GLYATL3: variants seen among roughly 807,000 people sequenced by gnomAD.
GLYATL3 encodes the protein glycine N-acyltransferase-like protein 3.
In GLYATL3, 31 loss-of-function variants were observed where a neutral mutation model predicts 28.5. The ratio of observed to expected loss-of-function variants is 1.09; its 90% CI spans 0.82 to 1.47. The LOEUF is 1.47. Ranked by LOEUF, GLYATL3 falls within the 40% of genes most tolerant of loss-of-function variation. The pLI is 0.00. For missense variants in GLYATL3, 369 were observed against 351.5 expected, an observed-to-expected ratio of 1.05 and a Z score of -0.40; for synonymous variants, 141 against 140.2, an observed-to-expected ratio of 1.01 and a Z score of -0.04.
chr6:49,509,389 G>T (rs1194245319), intron 1 of GLYATL3, among the ~76,000 whole-genome samples: 2 of 152,168 alleles, frequency 1.3e-5, no homozygotes, highest in East Asian at 3.8e-4. Context: ...TGATTCAAGA[G>T]CATTGTAACT....
chr6:49,525,361 T>C (rs1276232236), intron 5 of GLYATL3, among the ~76,000 whole-genome samples: 1 of 151,716 alleles, frequency 6.6e-6, no homozygotes, highest in East Asian at 1.9e-4. Context: ...AGTGCAGCAG[T>C]TGGAGGCCAG....
intron 2 of GLYATL3, among the ~76,000 whole-genome samples, chr6:49,512,577 ATGGACTAGGTGGCAC>A (rs1368437988): frequency 6.6e-6 from 1 of 152,208 alleles, no homozygotes; most frequent in Non-Finnish European, 1.5e-5. Context: ...GCAGAAGGGT[ATGGACTAGGTGGCAC>A]TGCAGTTAAG....
chr6:49,513,735 T>C (rs879445902), intron 2 of GLYATL3, among the ~76,000 whole-genome samples: 2 of 152,256 alleles, frequency 1.3e-5, no homozygotes, highest in South Asian at 2.1e-4. Context: ...TGAGGATATG[T>C]GAATGAGGTC....
In GLYATL3 at chr6:49,527,891, A is replaced by T. The variant is rs957539811; in HGVS notation, c.*977A>T. Among the ~76,000 whole-genome samples, 1 of 152,120 alleles carries T rather than the reference A, an allele frequency of 6.6e-6. No homozygotes were observed. Among genetic ancestry groups the T allele is most frequent in the Non-Finnish European group, 1.5e-5 (1 of 68,034 alleles). ...TAAGATAATAAATTTTAACCCTTTG[A>T]TTACATATGAAAAATTTGAGGACCA... On this transcript the variant is annotated 3_prime_UTR_variant, in exon 6 of 6. Transcript: ENST00000371197.
chr6:49,506,013 T>C (rs1050334992), intron 1 of GLYATL3, among the ~76,000 whole-genome samples: 25 of 152,220 alleles, frequency 1.6e-4, no homozygotes, highest in African/African-American at 5.8e-4. Flanking sequence ...TATTTCCTGA[T>C]AAAGTAGCAA....
chr6:49,522,539 G>A (rs996880579), intron 5 of GLYATL3, among the ~76,000 whole-genome samples: 1 of 152,108 alleles, frequency 6.6e-6, no homozygotes, highest in African/African-American at 2.4e-5. Flanking sequence ...GGGGTACAAT[G>A]TGATGTCTTG....
chr6:49,510,756 T>C (rs918649643), intron 1 of GLYATL3, among the ~76,000 whole-genome samples: 1 of 152,156 alleles, frequency 6.6e-6, no homozygotes, highest in Admixed American at 6.5e-5. Flanking sequence ...TTCAAAAGCC[T>C]CTTAATGTTC....
chr6:49,526,736 T>C lies in GLYATL3; in HGVS notation c.689T>C (p.Val230Ala), dbSNP rs370885153. 150 of 1,551,592 alleles carry C rather than the reference T, an allele frequency of 9.7e-5. No homozygotes were observed. Among genetic ancestry groups the C allele is most frequent in the Non-Finnish European group, 1.3e-4 (145 of 1,146,994 alleles). The change falls in exon 6 of 6, where the codon GTG becomes GCG. Residue 230 changes from valine to alanine, a missense_variant. Physicochemically the swap from Val to Ala is moderately conservative, Grantham distance 64 (BLOSUM62 0). Coordinates refer to ENST00000371197, the MANE Select transcript of GLYATL3 (RefSeq NM_001010904.2). ...CGCAGGAAAGGTTACAGCCGGCTGG[T>C]GGCCCTCACGCTGGCCAGGAAGTTG... is the stretch of plus-strand genomic sequence containing the variant. The part of the protein sequence containing the change: ...EHRRKGYSRL[V>A]ALTLARKLQS...
chr6:49,509,683 C>CTA (rs1581867067), intron 1 of GLYATL3, among the ~76,000 whole-genome samples: 2 of 152,334 alleles, frequency 1.3e-5, no homozygotes, highest in East Asian at 3.9e-4. Context: ...TTTTGCTGCT[C>CTA]TATGCATGAC....
intron 5 of GLYATL3, among the ~76,000 whole-genome samples, chr6:49,524,780 G>T (rs930034331): frequency 6.6e-6 from 1 of 151,676 alleles, no homozygotes; most frequent in Non-Finnish European, 1.5e-5. Context: ...AGGAATTCGA[G>T]ACCAGCCTGG....
Position 49,517,411 on chromosome 6 carries a change from A to T in GLYATL3, c.187-19A>T. 2 of 1,498,596 alleles carry T rather than the reference A, an allele frequency of 1.3e-6. No homozygotes were observed. Among genetic ancestry groups the T allele is most frequent in the Non-Finnish European group, 1.8e-6 (2 of 1,121,618 alleles). 92.8% of individuals were successfully genotyped at this position (1,498,596 alleles called of 1,614,324 possible). A position where few individuals can be genotyped will look rare whatever the true frequency, so the allele number is the denominator to read the frequency against. On this transcript the variant is annotated intron_variant, in intron 3 of 5. Coordinates refer to ENST00000371197, the MANE Select transcript of GLYATL3 (RefSeq NM_001010904.2). ...CAGATAATACGTTTATGTTTTTGTG[A>T]TTATGTCTTCTGTCCTAGGCTGAGA...
At chr6:49,517,312 T>G in intron 3 of GLYATL3, 118 bp from the exon 4 acceptor site, 1 of 765,430 alleles carries the variant, frequency 1.3e-6, no homozygotes, top group Non-Finnish European at 1.9e-6. Context: ...GGGTCTAATT[T>G]TGTTAGCCAC....
intron 1 of GLYATL3, among the ~76,000 whole-genome samples, chr6:49,511,382 T>A (rs927350789): frequency 6.6e-6 from 1 of 152,192 alleles, no homozygotes; most frequent in African/African-American, 2.4e-5. Flanking sequence ...ATCTTCAATC[T>A]AGGTATTTCT....
intron 1 of GLYATL3, among the ~76,000 whole-genome samples, chr6:49,510,768 G>A (rs1769107911): frequency 6.6e-6 from 1 of 152,058 alleles, no homozygotes; most frequent in Admixed American, 6.5e-5. Flanking sequence ...TTAATGTTCG[G>A]GTGCTGCCCT....
chr6:49,522,606 G>T (rs1374727765), intron 5 of GLYATL3, among the ~76,000 whole-genome samples: 1 of 152,122 alleles, frequency 6.6e-6, no homozygotes, highest in African/African-American at 2.4e-5. Flanking sequence ...AAAAAAAGTT[G>T]TAATATTTTC....
chr6:49,500,853 T>A (rs1193794914), intron 1 of GLYATL3, among the ~76,000 whole-genome samples: 1 of 152,186 alleles, frequency 6.6e-6, no homozygotes, highest in Non-Finnish European at 1.5e-5. Context: ...TAGAAAATAT[T>A]TTCTGCATCA....
intron 1 of GLYATL3, among the ~76,000 whole-genome samples, chr6:49,501,650 G>A (rs1379949899): frequency 6.6e-6 from 1 of 152,156 alleles, no homozygotes; most frequent in African/African-American, 2.4e-5. Context: ...TGATTAGCAG[G>A]ATATTAATCA....
intron 4 of GLYATL3, among the ~76,000 whole-genome samples, chr6:49,521,043 C>A (rs1050384143): frequency 6.6e-6 from 1 of 151,976 alleles, no homozygotes; most frequent in Non-Finnish European, 1.5e-5. Flanking sequence ...AGAAACCATA[C>A]CATTTTTGTG....
At chr6:49,517,043 C>T (rs1769228959) in intron 3 of GLYATL3, among the ~76,000 whole-genome samples, 2 of 149,694 alleles carry the variant, frequency 1.3e-5, no homozygotes, top group Non-Finnish European at 3.0e-5. Flanking sequence ...GTAATCTCAG[C>T]TACTTAGGAG....
Sources: allele counts gnomAD v4.1 joint callset (sites outside exome capture counted in the v4.1 genomes callset), GRCh38; gene constraint gnomAD v4.1.1; transcripts MANE v1.5; gene names NCBI Gene and HGNC (gene_info 2026-07-23, HGNC 2026-07-21).